PIK3C3: variants seen among roughly 807,000 people sequenced by gnomAD.
PIK3C3 encodes PI3-kinase type 3.
A neutral mutation model predicts 126.1 loss-of-function variants in PIK3C3; 95 were observed. That is an observed-to-expected ratio of 0.75 (90% CI 0.64 to 0.89). The LOEUF is 0.89. PIK3C3 is among the 40% of genes least tolerant of loss of function. The pLI, the probability that PIK3C3 is intolerant of heterozygous loss-of-function variation, is 0.00. For missense variants in PIK3C3, 829 were observed against 1,063.2 expected (o/e 0.78, Z 3.06); for synonymous variants, 374 against 360.0 (o/e 1.04, Z -0.44).
chr18:41,973,978 A>G (rs1376778370), intron 4 of PIK3C3, among the ~76,000 whole-genome samples: 1 of 152,174 alleles, frequency 6.6e-6, no homozygotes, highest in South Asian at 2.1e-4. Context: ...TTAAGACTAA[A>G]AAGATATACA....
intron 12 of PIK3C3, among the ~76,000 whole-genome samples, chr18:42,018,630 C>G (rs1017885247): frequency 6.6e-6 from 1 of 151,994 alleles, no homozygotes; most frequent in Non-Finnish European, 1.5e-5. Flanking sequence ...TCTTATTACT[C>G]GGACTTTACT....
chr18:42,077,818 A>G (rs546831558), intron 24 of PIK3C3, among the ~76,000 whole-genome samples: 4 of 152,278 alleles, frequency 2.6e-5, no homozygotes, highest in East Asian at 1.9e-4. Flanking sequence ...TAGGTTTTCA[A>G]TTTGTTTTGC....
chr18:42,015,329 A>C (rs529035114), intron 11 of PIK3C3, 147 bp from the exon 12 acceptor site: 1 of 610,954 alleles, frequency 1.6e-6, no homozygotes, highest in South Asian at 2.2e-5. Flanking sequence ...CCAGAGTACA[A>C]TGTGACTCTA....
At chr18:42,006,521 C>T (rs1982552435) in intron 10 of PIK3C3, among the ~76,000 whole-genome samples, 1 of 152,144 alleles carries the variant, frequency 6.6e-6, no homozygotes, top group Non-Finnish European at 1.5e-5. Context: ...TGGCTTTTCT[C>T]TCAGCCAACC....
At chr18:41,981,983 C>T in intron 4 of PIK3C3, among the ~76,000 whole-genome samples, 1 of 139,236 alleles carries the variant, frequency 7.2e-6, no homozygotes, top group East Asian at 2.1e-4. Context: ...GACCCTGTCT[C>T]AAAAAAAAAA....
rs1035869601 is a variant in PIK3C3, at chr18:42,083,504, T to G, written c.*2367T>G. On this transcript the variant is annotated 3_prime_UTR_variant, in exon 25 of 25. Coordinates refer to ENST00000262039, the MANE Select transcript of PIK3C3 (RefSeq NM_002647.4). ...GAAAAGTATGGTTAACATTGCCAAA[T>G]AAAGGGTCATACAGCCTTGCTTTTT... 2 of 152,074 alleles carry G rather than the reference T, an allele frequency of 1.3e-5. No homozygotes were observed. The highest frequency in any genetic ancestry group is 4.8e-5 in the African/African-American group (2 of 41,418). The allele number at this position is 152,074 out of a possible 1,614,324, so 9.4% of individuals were successfully genotyped here.
At chr18:41,958,769 A>AAT (rs1046144225) in intron 2 of PIK3C3, among the ~76,000 whole-genome samples, 7 of 151,800 alleles carry the variant, frequency 4.6e-5, no homozygotes, top group African/African-American at 7.2e-5. Flanking sequence ...ACACATAAAA[A>AAT]ATATATATAT....
intron 24 of PIK3C3, among the ~76,000 whole-genome samples, chr18:42,077,581 A>C (rs1986078540): frequency 6.6e-6 from 1 of 152,222 alleles, no homozygotes; most frequent in Admixed American, 6.5e-5. Context: ...TTATCATGAG[A>C]CTGCAGCAAT....
intron 6 of PIK3C3, among the ~76,000 whole-genome samples, chr18:41,992,025 G>A (rs1981802933): frequency 6.6e-6 from 1 of 152,148 alleles, no homozygotes. Flanking sequence ...AAACACTGGA[G>A]ATGTGAAGGA....
At chr18:42,051,299 T>C (rs1341787351) in intron 21 of PIK3C3, 1 of 152,244 alleles carries the variant, frequency 6.6e-6, no homozygotes. Flanking sequence ...GATGAATAAA[T>C]ACTTCTGCTC....
chr18:42,062,041 C>T (rs1985338225), intron 22 of PIK3C3, among the ~76,000 whole-genome samples: 1 of 151,980 alleles, frequency 6.6e-6, no homozygotes, highest in African/African-American at 2.4e-5. Flanking sequence ...GGCATTGATA[C>T]ATTTGAAAAG....
chr18:42,026,598 G>T (rs1431057137), intron 13 of PIK3C3: 1 of 152,028 alleles, frequency 6.6e-6, no homozygotes, highest in Non-Finnish European at 1.5e-5. Flanking sequence ...TGGGACTATA[G>T]TCGGCGACAC....
intron 11 of PIK3C3, among the ~76,000 whole-genome samples, chr18:42,014,285 A>G (rs935770604): frequency 6.6e-6 from 1 of 152,048 alleles, no homozygotes; most frequent in African/African-American, 2.4e-5. Flanking sequence ...ATAGTTTAAT[A>G]AAAAGTTGCA....
Position 42,086,840 on chromosome 18 carries a change from T to C in PIK3C3, c.*5703T>C, listed in dbSNP as rs185924387. On this transcript the variant is annotated 3_prime_UTR_variant, in exon 25 of 25. Coordinates refer to ENST00000262039, the MANE Select transcript of PIK3C3 (RefSeq NM_002647.4). ...ATAGCCAACCAGCAGCTCATGCTGCTGGTCTGCCTATGGAGTAGCCATCCT... is the reference window on the plus strand; with the variant it reads ...ATAGCCAACCAGCAGCTCATGCTGCCGGTCTGCCTATGGAGTAGCCATCCT... The C allele has an allele frequency of 6.6e-6, 1 of 152,344 alleles. No individual in the cohort carries two copies. The highest frequency in any genetic ancestry group is 2.4e-5 in the African/African-American group (1 of 41,590). The allele number at this position is 152,344 out of a possible 1,614,324, so 9.4% of individuals were successfully genotyped here.
intron 14 of PIK3C3, 28 bp downstream of exon 14, chr18:42,027,576 A>T (rs1343934806): frequency 5.1e-6 from 7 of 1,378,282 alleles, no homozygotes; most frequent in Non-Finnish European, 7.2e-6. Flanking sequence ...GGGTTGGCAA[A>T]CTGCAGCACA....
At chr18:42,038,919 T>C in intron 18 of PIK3C3, 69 bp downstream of exon 18, 1 of 1,023,426 alleles carries the variant, frequency 9.8e-7, no homozygotes, top group East Asian at 2.5e-5. Flanking sequence ...AATTGAAAAT[T>C]TTTAAGTATG....
rs1244516279 is a variant in PIK3C3 at position 42,033,843 on chromosome 18, A to G, written c.1725A>G (p.Ala575=). The change falls in exon 16 of 25, where the codon GCA becomes GCG. Residue 575 remains alanine (A), a synonymous_variant. Coordinates refer to ENST00000262039, the MANE Select transcript of PIK3C3 (RefSeq NM_002647.4). ...NRKKKNERLQ[A]LLGDNEKMNL... is the part of the protein sequence containing the mutation. The stretch of plus-strand genomic sequence containing the variant: ...TGTTCTAGAATGAGAGACTACAGGC[A>G]TTGCTTGGAGATAATGAAAAGATGA... 6.2e-7 allele frequency: 1 copy of G among 1,603,974 alleles called. No homozygotes were observed. The highest frequency in any genetic ancestry group is 1.7e-4 in the Middle Eastern group (1 of 6,040).
At chr18:41,992,869 G>A (rs1650111780) in intron 6 of PIK3C3, among the ~76,000 whole-genome samples, 1 of 151,984 alleles carries the variant, frequency 6.6e-6, no homozygotes, top group African/African-American at 2.4e-5. Flanking sequence ...CTTAGTTTTT[G>A]CAAATGATGC....
At chr18:42,079,065 T>A (rs1290639912) in intron 24 of PIK3C3, among the ~76,000 whole-genome samples, 1 of 152,216 alleles carries the variant, frequency 6.6e-6, no homozygotes, top group Admixed American at 6.5e-5. Flanking sequence ...GAACATTTCT[T>A]TGCATTTAAA....
Sources: allele counts gnomAD v4.1 joint callset (sites outside exome capture counted in the v4.1 genomes callset), GRCh38; gene constraint gnomAD v4.1.1; transcripts MANE v1.5; gene names NCBI Gene and HGNC (gene_info 2026-07-23, HGNC 2026-07-21).